AGMO: variants seen among roughly 807,000 people sequenced by gnomAD.
The protein encoded by AGMO is glyceryl-ether monooxygenase.
In AGMO, 75 loss-of-function variants were observed where a neutral mutation model predicts 60.2. That is an observed-to-expected ratio of 1.25 (90% CI 1.03 to 1.51). The LOEUF (loss-of-function observed/expected upper bound fraction) is 1.51. AGMO is among the 40% of genes most tolerant of loss of function. The pLI, the probability that AGMO is intolerant of heterozygous loss-of-function variation, is 0.00. For missense variants in AGMO, 763 were observed against 525.5 expected (o/e 1.45, Z -4.42); for synonymous variants, 261 against 177.1 (o/e 1.47, Z -3.76).
chr7:15,360,049 G>C (rs1052810945), intron 12 of AGMO, among the ~76,000 whole-genome samples: 1 of 152,150 alleles, frequency 6.6e-6, no homozygotes, highest in Non-Finnish European at 1.5e-5. Flanking sequence ...GCTTTTGGCG[G>C]AGTAGGCACA....
At chr7:15,344,235 G>A (rs533515471) in intron 12 of AGMO, among the ~76,000 whole-genome samples, 4 of 152,276 alleles carry the variant, frequency 2.6e-5, no homozygotes, top group African/African-American at 4.8e-5. Flanking sequence ...GCATAAATAT[G>A]TAATTACAAT....
At chr7:15,198,810 G>A (rs1211245926), downstream of AGMO, among the ~76,000 whole-genome samples, 1 of 152,122 alleles carries the variant, frequency 6.6e-6, no homozygotes, top group Non-Finnish European at 1.5e-5. Flanking sequence ...GCTGATCCAT[G>A]GAGTGCAGGA....
chr7:15,117,921 C>G, the AGMO span, among the ~76,000 whole-genome samples: 693 of 151,842 alleles, frequency 4.6e-3, 3 homozygotes, highest in Non-Finnish European at 7.9e-3. Context: ...ATGAGGTTTT[C>G]TTTTTTAATT....
At chr7:15,167,955 T>C in the AGMO span, among the ~76,000 whole-genome samples, 1,376 of 152,312 alleles carry the variant, frequency 9.0e-3, 28 homozygotes, top group African/African-American at 0.032. Flanking sequence ...CTCTATAGAA[T>C]AGAAATGCTA....
chr7:15,381,810 G>A (rs912842776), intron 10 of AGMO, among the ~76,000 whole-genome samples: 1 of 152,114 alleles, frequency 6.6e-6, no homozygotes, highest in Admixed American at 6.6e-5. Flanking sequence ...AGAAAATTAG[G>A]TAAGTATACA....
At chr7:15,164,935 AAT>A in the AGMO span, among the ~76,000 whole-genome samples, 10 of 152,152 alleles carry the variant, frequency 6.6e-5, no homozygotes, top group Non-Finnish European at 1.3e-4. Context: ...CACCTGCACT[AAT>A]ATGTGTATCA....
chr7:15,507,898 G>A (rs1261934768), intron 3 of AGMO, among the ~76,000 whole-genome samples: 1 of 152,004 alleles, frequency 6.6e-6, no homozygotes, highest in Non-Finnish European at 1.5e-5. Context: ...GTGTGGATGT[G>A]GATATGAAAG....
intron 5 of AGMO, among the ~76,000 whole-genome samples, chr7:15,406,282 A>T (rs1784683907): frequency 7.9e-6 from 1 of 126,684 alleles, no homozygotes; most frequent in Non-Finnish European, 1.7e-5. Flanking sequence ...ACATGTACAC[A>T]TATGTGTGTA....
At chr7:15,177,275 T>A in the AGMO span, among the ~76,000 whole-genome samples, 1 of 152,058 alleles carries the variant, frequency 6.6e-6, no homozygotes, top group East Asian at 1.9e-4. Flanking sequence ...ATGAAAAGAA[T>A]GAAAAAGATG....
At chr7:15,134,966 ACT>A in the AGMO span, among the ~76,000 whole-genome samples, 2 of 151,906 alleles carry the variant, frequency 1.3e-5, no homozygotes, top group Admixed American at 6.6e-5. Flanking sequence ...CTCCATGGTA[ACT>A]CTCCTTATTT....
intron 5 of AGMO, among the ~76,000 whole-genome samples, chr7:15,409,167 A>G (rs34948306): frequency 0.097 from 14,693 of 151,682 alleles, 833 homozygotes; most frequent in South Asian, 0.15. Flanking sequence ...GAAGTATTTC[A>G]TCAGGGCTGG....
intron 4 of AGMO, among the ~76,000 whole-genome samples, chr7:15,422,417 C>G (rs1020815878): frequency 1.3e-5 from 2 of 151,634 alleles, no homozygotes; most frequent in Admixed American, 1.3e-4. Context: ...AGCAATGTCA[C>G]CAACCTAAGG....
chr7:15,463,251 G>C (rs1782191804), intron 3 of AGMO, among the ~76,000 whole-genome samples: 1 of 152,082 alleles, frequency 6.6e-6, no homozygotes, highest in Non-Finnish European at 1.5e-5. Context: ...CATAAGTAGA[G>C]GTAATGGACA....
chr7:15,551,088 G>T (rs950568870), intron 2 of AGMO, among the ~76,000 whole-genome samples: 2 of 151,968 alleles, frequency 1.3e-5, no homozygotes, highest in Non-Finnish European at 2.9e-5. Context: ...CTCAATAGAT[G>T]CAGGAAAAGC....
At chr7:15,394,025 G>A in intron 6 of AGMO, 88 bp downstream of exon 6, 3 of 915,226 alleles carry the variant, frequency 3.3e-6, no homozygotes, top group Non-Finnish European at 5.1e-6. Context: ...GACTATATTG[G>A]GAAATTGTGA....
chr7:15,357,193 G>T (rs1190618528), intron 12 of AGMO, among the ~76,000 whole-genome samples: 2 of 91,244 alleles, frequency 2.2e-5, no homozygotes, highest in East Asian at 7.3e-4. Flanking sequence ...GAATATTCGT[G>T]TGTGTGTGTG....
chr7:15,204,307 T>C (rs1330198562), intron 12 of AGMO, among the ~76,000 whole-genome samples: 2 of 152,216 alleles, frequency 1.3e-5, no homozygotes, highest in Non-Finnish European at 2.9e-5. Context: ...CTCTTGATTT[T>C]TGTATTACGC....
chr7:15,473,291 G>A (rs10950562), intron 3 of AGMO, among the ~76,000 whole-genome samples: 10 of 151,550 alleles, frequency 6.6e-5, no homozygotes, highest in Admixed American at 2.6e-4. Flanking sequence ...AGGATCAAAC[G>A]GATTCACAGC....
intron 12 of AGMO, among the ~76,000 whole-genome samples, chr7:15,351,186 T>A (rs185384929): frequency 6.6e-6 from 1 of 152,220 alleles, no homozygotes; most frequent in African/African-American, 2.4e-5. Context: ...CATGGGCAAA[T>A]GTCTGCATAA....
Sources: allele counts gnomAD v4.1 joint callset (sites outside exome capture counted in the v4.1 genomes callset), GRCh38; gene constraint gnomAD v4.1.1; transcripts MANE v1.5; gene names NCBI Gene and HGNC (gene_info 2026-07-23, HGNC 2026-07-21).